SHROOM3: variants seen among roughly 807,000 people sequenced by gnomAD.
SHROOM3 encodes shroom family member 3, also known as protein Shroom3.
SHROOM3 carries 47 observed loss-of-function variants against 138.6 expected under a neutral mutation model. That is an observed-to-expected ratio of 0.34 (90% confidence interval 0.27 to 0.43). SHROOM3 has a LOEUF of 0.43. Among genes scored for constraint, SHROOM3 ranks in the 20% least tolerant of loss-of-function variants. The pLI, the probability that SHROOM3 is intolerant of heterozygous loss-of-function variation, is 1.00. For missense variants in SHROOM3, 2,491 were observed against 2,596.5 expected, an observed-to-expected ratio of 0.96 and a Z score of 0.88; for synonymous variants, 1,062 against 1,063.3, an observed-to-expected ratio of 1.00 and a Z score of 0.02.
intron 2 of SHROOM3, among the ~76,000 whole-genome samples, chr4:76,579,331 G>A (rs1734000683): frequency 6.6e-6 from 1 of 152,102 alleles, no homozygotes; most frequent in South Asian, 2.1e-4. Context: ...AGCTGGGCGT[G>A]GTGGCAGGCG....
chr4:76,684,658 G>A (rs1443296306), intron 2 of SHROOM3, among the ~76,000 whole-genome samples: 1 of 152,192 alleles, frequency 6.6e-6, no homozygotes, highest in African/African-American at 2.4e-5. Context: ...AGAAAACCTG[G>A]AGGTGCTTTG....
intron 2 of SHROOM3, among the ~76,000 whole-genome samples, chr4:76,685,501 T>C (rs1381516138): frequency 6.6e-6 from 1 of 152,206 alleles, no homozygotes; most frequent in African/African-American, 2.4e-5. Flanking sequence ...AAGCTTGGTA[T>C]AGATGAACCA....
chr4:76,716,405 C>T, intron 3 of SHROOM3: 1 of 518,968 alleles, frequency 1.9e-6, no homozygotes, highest in Non-Finnish European at 3.8e-6. Context: ...TTCTATTTGC[C>T]ACAAGGTAAG....
At position 76,740,367 on chromosome 4, in the gene SHROOM3, T is replaced by G; in HGVS notation, c.2194T>G (p.Ser732Ala). The change falls in exon 5 of 11, where the codon TCG becomes GCG. Residue 732 changes from serine to alanine, a missense_variant. Ser to Ala is a moderately conservative substitution (Grantham distance 99). Around this residue, in one of 4 missense-constraint regions of SHROOM3, gnomAD observed 1,733 missense variants for 1,661.6 expected, o/e 1.04. Transcript: ENST00000296043. The surrounding 1 kb of genome is among the most constrained non-coding windows in gnomAD (Gnocchi z 4.0). ...YPRPEGRTGA[S>A]ASFNSTDPSP... ...GCGGCCCGAGGGGAGGACCGGTGCC[T>G]CGGCTTCTTTCAACAGCACAGACCC... The G allele has an allele frequency of 5.0e-6, 8 of 1,612,990 alleles. No individual in the cohort carries two copies. Among genetic ancestry groups the G allele is most frequent in the Non-Finnish European group, 6.8e-6 (8 of 1,179,984 alleles).
At chr4:76,608,769 G>C (rs182236504) in intron 2 of SHROOM3, among the ~76,000 whole-genome samples, 84 of 151,236 alleles carry the variant, frequency 5.6e-4, no homozygotes, top group African/African-American at 2.0e-3. Flanking sequence ...TAGAAGGCCT[G>C]GGGAAAACCC....
At chr4:76,562,101 G>A (rs1191827822) in intron 2 of SHROOM3, among the ~76,000 whole-genome samples, 4 of 152,148 alleles carry the variant, frequency 2.6e-5, no homozygotes, top group Admixed American at 6.6e-5. Context: ...GAATGAAGAG[G>A]TGATTCCCCA....
rs1730550658 is a variant in SHROOM3 at position 76,435,782 on chromosome 4, A to T, written c.-271A>T. The stretch of plus-strand genomic sequence containing the variant: ...AAGGAAGTTTTGACGAACGGAGTAG[A>T]GATGTATACCACTTGGGGGCTTCAG... On this transcript the variant is annotated 5_prime_UTR_variant, in exon 1 of 11. Coordinates refer to ENST00000296043, the MANE Select transcript of SHROOM3 (RefSeq NM_020859.4). 3 of 393,064 alleles carry T rather than the reference A, an allele frequency of 7.6e-6. No homozygotes were observed. The Admixed American group carries it at 1.2e-4, about 16-fold the overall frequency. The allele number at this position is 393,064 out of a possible 1,614,324, so 24.3% of individuals were successfully genotyped here. A position where few individuals can be genotyped will look rare whatever the true frequency, so the allele number is the denominator to read the frequency against.
At chr4:76,748,628 T>C (rs1721521811) in intron 5 of SHROOM3, among the ~76,000 whole-genome samples, 1 of 152,216 alleles carries the variant, frequency 6.6e-6, no homozygotes, top group Non-Finnish European at 1.5e-5. Flanking sequence ...CCGTCATCTC[T>C]CATATTTCCC....
chr4:76,461,652 C>T (rs1460971226), intron 1 of SHROOM3, among the ~76,000 whole-genome samples: 4 of 152,178 alleles, frequency 2.6e-5, no homozygotes, highest in African/African-American at 9.7e-5. Flanking sequence ...AGTTCTGAGA[C>T]AGCAGTGTGA....
At chr4:76,552,044 G>T (rs60907463) in intron 1 of SHROOM3, among the ~76,000 whole-genome samples, 1 of 144,182 alleles carries the variant, frequency 6.9e-6, no homozygotes, top group East Asian at 2.1e-4. Flanking sequence ...TGTATCTTTA[G>T]TAGAGACGGG....
At chr4:76,692,324 C>G (rs1719578957) in intron 2 of SHROOM3, among the ~76,000 whole-genome samples, 1 of 152,210 alleles carries the variant, frequency 6.6e-6, no homozygotes, top group Non-Finnish European at 1.5e-5. Flanking sequence ...CAATCATTTA[C>G]TGTGTGGGAG....
chr4:76,492,308 C>CT (rs1483296571), intron 1 of SHROOM3, among the ~76,000 whole-genome samples: 3 of 152,150 alleles, frequency 2.0e-5, no homozygotes, highest in Admixed American at 6.5e-5. Flanking sequence ...AATTAGCCTG[C>CT]TTTGTGGAGC....
intron 2 of SHROOM3, among the ~76,000 whole-genome samples, chr4:76,588,877 G>A (rs1371274626): frequency 1.4e-5 from 2 of 146,204 alleles, no homozygotes; most frequent in Non-Finnish European, 1.5e-5. Context: ...TAAAAGGCAT[G>A]TTTTTTAGAA....
chr4:76,668,587 A>T (rs781403950), intron 2 of SHROOM3, among the ~76,000 whole-genome samples: 1 of 152,156 alleles, frequency 6.6e-6, no homozygotes, highest in Non-Finnish European at 1.5e-5. Context: ...ACAAACAAAC[A>T]AACAAACAAA....
chr4:76,754,892 C>T lies in SHROOM3; in HGVS notation c.4409C>T (p.Ser1470Phe). 6.2e-7 allele frequency: 1 copy of T among 1,614,208 alleles called. No homozygotes were observed. The highest frequency in any genetic ancestry group is 1.3e-5 in the African/African-American group (1 of 75,046). ...QQSLPSLCST[S>F]DPDTPLGAPS... ...AGTCTTCCAAGTTTATGCAGCACTT[C>T]TGACCCAGACACACCTCTTGGGGCC... Residue 1470 changes from serine to phenylalanine, a missense_variant, in exon 7 of 11, where the codon TCT (serine) becomes TTT (phenylalanine). This residue lies in a region of SHROOM3 where 1,733 missense variants were observed against 1,661.6 expected (regional missense o/e 1.04). Coordinates refer to ENST00000296043, the MANE Select transcript of SHROOM3 (RefSeq NM_020859.4).
At chr4:76,436,270 T>G in intron 1 of SHROOM3, 50 bp downstream of exon 1, 1 of 1,602,416 alleles carries the variant, frequency 6.2e-7, no homozygotes, top group Non-Finnish European at 8.5e-7. Flanking sequence ...TTTTTTCAAC[T>G]TGTCAGATTT....
At chr4:76,519,193 C>T (rs528110923) in intron 1 of SHROOM3, among the ~76,000 whole-genome samples, 11 of 152,176 alleles carry the variant, frequency 7.2e-5, no homozygotes, top group East Asian at 1.9e-4. Context: ...TGACTGTAGA[C>T]GGGAGGGCTA....
rs118190325 is a variant in SHROOM3, at chr4:76,504,165, T to C, written c.169-51444T>C. 2.9e-3 allele frequency among the ~76,000 whole-genome samples: 442 copies of C among 151,336 alleles called. 16 individuals are homozygous for C. The East Asian group carries it at 0.078, about 27-fold the overall frequency. ...AGAGAAGCCGACTTCTCAAAAAAAT[T>C]TTTTTTTTTTGAAACGGAGTTTTAC... On this transcript the variant is annotated intron_variant, in intron 1 of 10. Coordinates refer to ENST00000296043, the MANE Select transcript of SHROOM3 (RefSeq NM_020859.4).
chr4:76,528,170 T>G (rs1732739708), intron 1 of SHROOM3, among the ~76,000 whole-genome samples: 1 of 152,194 alleles, frequency 6.6e-6, no homozygotes, highest in Non-Finnish European at 1.5e-5. Flanking sequence ...ATTTGTCAAG[T>G]GAGCCAAGAA....
Sources: gnomAD v4.1 joint callset for allele counts (sites outside exome capture counted in the v4.1 genomes callset) on GRCh38, gnomAD v4.1.1 for gene constraint, gnomAD v4.1.1 regional missense constraint, Gnocchi (gnomAD v3.1) non-coding constraint, MANE v1.5 for transcripts, NCBI Gene and HGNC (gene_info 2026-07-23, HGNC 2026-07-21) for gene names.